Variants in BLTP3B observed in about 807,000 individuals in gnomAD.
BLTP3B encodes UHRF1 (ICBP90) binding protein 1-like.
chr12:100,058,589 A>G, the BLTP3B span: 1 of 1,613,626 alleles, frequency 6.2e-7, no homozygotes, highest in Non-Finnish European at 8.5e-7. Context: ...TAGGCAAATA[A>G]TCAGGTACCA....
the BLTP3B span, among the ~76,000 whole-genome samples, chr12:100,138,963 C>G: frequency 6.6e-5 from 10 of 152,156 alleles, no homozygotes; most frequent in African/African-American, 2.4e-4. Context: ...TTAGAAGTTT[C>G]CATTCCCATG....
At chr12:100,049,261 A>AGTTT in the BLTP3B span, among the ~76,000 whole-genome samples, 12 of 152,316 alleles carry the variant, frequency 7.9e-5, no homozygotes, top group African/African-American at 2.9e-4. Context: ...GATAAAAACA[A>AGTTT]ACTCGTCCTG....
At chr12:100,040,988 T>C in the BLTP3B span, among the ~76,000 whole-genome samples, 1 of 152,060 alleles carries the variant, frequency 6.6e-6, no homozygotes, top group Non-Finnish European at 1.5e-5. Flanking sequence ...ATATCAAATC[T>C]AGACAAAACA....
At chr12:100,084,705 A>G in the BLTP3B span, 2 of 1,546,794 alleles carry the variant, frequency 1.3e-6, no homozygotes, top group Admixed American at 3.6e-5. Flanking sequence ...TACAACTTTC[A>G]TTTATTATAT....
chr12:100,099,994 A>T, the BLTP3B span, among the ~76,000 whole-genome samples: 2 of 151,806 alleles, frequency 1.3e-5, no homozygotes, highest in Non-Finnish European at 2.9e-5. Flanking sequence ...AAATTATTAA[A>T]AAAAAAAAAA....
At chr12:100,053,458 A>T in the BLTP3B span, among the ~76,000 whole-genome samples, 1 of 152,130 alleles carries the variant, frequency 6.6e-6, no homozygotes, top group African/African-American at 2.4e-5. Context: ...CTGCAAATGG[A>T]TAAGAAGAGA....
the BLTP3B span, among the ~76,000 whole-genome samples, chr12:100,104,686 T>C: frequency 6.6e-6 from 1 of 151,668 alleles, no homozygotes; most frequent in Admixed American, 6.6e-5. Context: ...AAACATCAAA[T>C]ACATAATGTT....
the BLTP3B span, chr12:100,060,093 T>A: frequency 1.4e-4 from 189 of 1,393,432 alleles, no homozygotes; most frequent in African/African-American, 2.3e-3. Context: ...TGGTTCTAAA[T>A]CTTCCCTGAG....
At chr12:100,083,279 A>G in the BLTP3B span, 25 of 583,830 alleles carry the variant, frequency 4.3e-5, no homozygotes, top group Non-Finnish European at 7.3e-5. Context: ...TATAAATTAT[A>G]AAGTAATACA....
the BLTP3B span, chr12:100,051,070 G>A: frequency 6.2e-7 from 1 of 1,612,982 alleles, no homozygotes; most frequent in East Asian, 2.2e-5. Flanking sequence ...TCTCTGAAAT[G>A]ATTATTACCA....
the BLTP3B span, among the ~76,000 whole-genome samples, chr12:100,086,930 G>A: frequency 6.6e-6 from 1 of 152,130 alleles, no homozygotes; most frequent in Admixed American, 6.5e-5. Context: ...GGAGGCCGAG[G>A]CGGGTGGATC....
chr12:100,086,376 G>GA, the BLTP3B span: 1 of 699,754 alleles, frequency 1.4e-6, no homozygotes. Context: ...AAAAAAAGGG[G>GA]GGGGGGGAAA....
the BLTP3B span, chr12:100,057,436 G>T: frequency 2.2e-6 from 1 of 463,178 alleles, no homozygotes; most frequent in Non-Finnish European, 3.5e-6. Context: ...GAAATATTCA[G>T]TTATTTTTAG....
the BLTP3B span, chr12:100,142,705 T>C: frequency 1.9e-6 from 3 of 1,553,768 alleles, no homozygotes; most frequent in East Asian, 2.5e-5. Context: ...GGCCGTCTCC[T>C]CTCTGTCCCG....
chr12:100,142,778 C>A, the BLTP3B span: 1 of 1,272,806 alleles, frequency 7.9e-7, no homozygotes, highest in Non-Finnish European at 1.0e-6. Flanking sequence ...AGGCCCCGGC[C>A]AAGGCCACAG....
At chr12:100,082,443 T>A in the BLTP3B span, among the ~76,000 whole-genome samples, 1 of 152,222 alleles carries the variant, frequency 6.6e-6, no homozygotes, top group Non-Finnish European at 1.5e-5. Context: ...ACTTTTGGAG[T>A]CTTCCTCATG....
At chr12:100,094,509 C>T in the BLTP3B span, among the ~76,000 whole-genome samples, 299 of 152,222 alleles carry the variant, frequency 2.0e-3, 3 homozygotes, top group Middle Eastern at 0.024. Flanking sequence ...TTACCCCTAC[C>T]CCTGCACCTT....
At chr12:100,102,669 T>G in the BLTP3B span, 3 of 802,508 alleles carry the variant, frequency 3.7e-6, no homozygotes, top group Admixed American at 8.7e-5. Context: ...ATGGGAGAGC[T>G]GACTGAAATA....
the BLTP3B span, among the ~76,000 whole-genome samples, chr12:100,076,046 C>T: frequency 0.011 from 1,612 of 151,898 alleles, 28 homozygotes; most frequent in African/African-American, 0.036. Flanking sequence ...CACCCTGAAC[C>T]TCAGCATCAT....
Sources: gnomAD v4.1 joint callset for allele counts (sites outside exome capture counted in the v4.1 genomes callset) on GRCh38, gnomAD v4.1.1 for gene constraint, MANE v1.5 for transcripts, NCBI Gene and HGNC (gene_info 2026-07-23, HGNC 2026-07-21) for gene names.